The following FARS2 variants were observed in gnomAD, a reference collection of about 807,000 sequenced individuals.
The protein encoded by FARS2 is phenylalanine--tRNA ligase, mitochondrial.
A neutral mutation model predicts 46.4 loss-of-function variants in FARS2; 40 were observed. That is an observed-to-expected ratio of 0.86 (90% CI 0.67 to 1.12). The LOEUF (loss-of-function observed/expected upper bound fraction) is 1.12, where lower values mean the gene tolerates loss of function less well. Among genes scored for constraint, FARS2 ranks in the 50% most tolerant of loss-of-function variants. FARS2 has a pLI of 0.00. For synonymous variants in FARS2, 234 were observed against 214.9 expected, an observed-to-expected ratio of 1.09 and a Z score of -0.78; for missense variants, 513 against 567.9, an observed-to-expected ratio of 0.90 and a Z score of 0.98.
intron 4 of FARS2, among the ~76,000 whole-genome samples, chr6:5,439,496 A>C (rs1029953932): frequency 1.3e-5 from 2 of 152,188 alleles, no homozygotes; most frequent in Non-Finnish European, 2.9e-5. Context: ...TGCCTTTCCA[A>C]GTGTTGACTC....
chr6:5,267,111 T>C (rs1029165658), intron 1 of FARS2, among the ~76,000 whole-genome samples: 3 of 152,082 alleles, frequency 2.0e-5, no homozygotes, highest in Non-Finnish European at 1.5e-5. Flanking sequence ...ACAATTTATT[T>C]TGTGTAAAGT....
At chr6:5,592,820 C>A (rs1434460479) in intron 5 of FARS2, among the ~76,000 whole-genome samples, 3 of 152,206 alleles carry the variant, frequency 2.0e-5, no homozygotes. Context: ...TCCTTGCCTG[C>A]CACGAGGCCC....
intron 4 of FARS2, among the ~76,000 whole-genome samples, chr6:5,520,958 G>C (rs1582339690): frequency 2.0e-5 from 3 of 152,118 alleles, no homozygotes; most frequent in Non-Finnish European, 2.9e-5. Flanking sequence ...ATCAGGGTAG[G>C]CTTCTTTTGA....
At chr6:5,690,012 G>A (rs1435062753) in intron 6 of FARS2, among the ~76,000 whole-genome samples, 1 of 152,132 alleles carries the variant, frequency 6.6e-6, no homozygotes, top group Admixed American at 6.5e-5. Context: ...CCAAGACTAG[G>A]ATTGCAACCT....
intron 2 of FARS2, among the ~76,000 whole-genome samples, chr6:5,383,366 C>G (rs1399385173): frequency 6.6e-6 from 1 of 152,196 alleles, no homozygotes; most frequent in African/African-American, 2.4e-5. Context: ...CTTTGGAGCC[C>G]CTCCATGGCC....
intron 4 of FARS2, among the ~76,000 whole-genome samples, chr6:5,531,206 C>T (rs1278120163): frequency 6.6e-6 from 1 of 152,178 alleles, no homozygotes; most frequent in Non-Finnish European, 1.5e-5. Context: ...ATGCTCTCCC[C>T]TCAGCCAGTC....
intron 5 of FARS2, among the ~76,000 whole-genome samples, chr6:5,569,686 A>G (rs1772528212): frequency 6.6e-6 from 1 of 152,144 alleles, no homozygotes; most frequent in Non-Finnish European, 1.5e-5. Flanking sequence ...TAGAAGTGAG[A>G]AGTTGGAACA....
At chr6:5,493,139 G>A (rs1767227240) in intron 4 of FARS2, among the ~76,000 whole-genome samples, 1 of 150,970 alleles carries the variant, frequency 6.6e-6, no homozygotes, top group Non-Finnish European at 1.5e-5. Context: ...AACCTGGAAG[G>A]TGGAGGTTGT....
chr6:5,285,100 G>A (rs535024347), intron 1 of FARS2, among the ~76,000 whole-genome samples: 2 of 152,340 alleles, frequency 1.3e-5, no homozygotes, highest in Admixed American at 1.3e-4. Context: ...AGCAAAGGGG[G>A]CAGGCAACAA....
At chr6:5,258,083 G>A (rs533154619), upstream of FARS2, among the ~76,000 whole-genome samples, 8 of 152,206 alleles carry the variant, frequency 5.3e-5, no homozygotes, top group Non-Finnish European at 1.2e-4. Flanking sequence ...AACAGTACTT[G>A]TAAAGGCCTG....
chr6:5,671,416 C>A (rs1160996586), intron 6 of FARS2, among the ~76,000 whole-genome samples: 4 of 152,202 alleles, frequency 2.6e-5, no homozygotes, highest in Non-Finnish European at 4.4e-5. Flanking sequence ...GAGGAAGTCT[C>A]AGCGTTGAGC....
At chr6:5,563,703 A>G (rs1772148695) in intron 5 of FARS2, among the ~76,000 whole-genome samples, 1 of 152,186 alleles carries the variant, frequency 6.6e-6, no homozygotes, top group South Asian at 2.1e-4. Context: ...TTACAGCACC[A>G]TTTGGAGTTT....
chr6:5,730,214 ACAG>A (rs1400297307), intron 6 of FARS2, among the ~76,000 whole-genome samples: 1 of 152,218 alleles, frequency 6.6e-6, no homozygotes, highest in Non-Finnish European at 1.5e-5. Context: ...CCATCCTGGG[ACAG>A]CAGTGCCTTG....
intron 2 of FARS2, among the ~76,000 whole-genome samples, chr6:5,374,292 GT>G (rs200454577): frequency 0.017 from 2,537 of 152,226 alleles, 35 homozygotes; most frequent in African/African-American, 0.044. Context: ...GGATCCGTCA[GT>G]CAGTCAAAAA....
At chr6:5,312,800 CAA>C (rs1342699803) in intron 1 of FARS2, among the ~76,000 whole-genome samples, 1 of 152,206 alleles carries the variant, frequency 6.6e-6, no homozygotes, top group Non-Finnish European at 1.5e-5. Flanking sequence ...TGTTGAATAG[CAA>C]AGACACAGCC....
chr6:5,287,166 G>T (rs1031349975), intron 1 of FARS2, among the ~76,000 whole-genome samples: 4 of 152,194 alleles, frequency 2.6e-5, no homozygotes, highest in Admixed American at 2.6e-4. Context: ...CAAATTTCCC[G>T]GGTGTGATAT....
At chr6:5,387,839 A>G (rs76271218) in intron 2 of FARS2, among the ~76,000 whole-genome samples, 3,092 of 152,320 alleles carry the variant, frequency 0.02, 107 homozygotes, top group South Asian at 0.094. Context: ...CAATCTGTCT[A>G]TAGCATGCTG....
Position 5,712,743 on chromosome 6 carries a change from G to T in FARS2, c.1218-58548G>T, listed in dbSNP as rs1035854524. Among the ~76,000 whole-genome samples, 5 of 152,150 alleles carry T rather than the reference G, an allele frequency of 3.3e-5. 1 individual carries two copies. In the South Asian group the frequency reaches 6.2e-4, roughly 19 times the overall value. On this transcript the variant is annotated intron_variant, in intron 6 of 6. Coordinates refer to ENST00000274680, the MANE Select transcript of FARS2 (RefSeq NM_006567.5). ...CTCCCCACCTGTCCCAGTCCTTGCC[G>T]TCCTTGCTTTGTAATCCTGAACAGC...
chr6:5,526,481 A>G (rs1672182100), intron 4 of FARS2, among the ~76,000 whole-genome samples: 1 of 152,234 alleles, frequency 6.6e-6, no homozygotes, highest in South Asian at 2.1e-4. Flanking sequence ...CTCTAAATTA[A>G]GTTCCTTTCC....
Sources: gnomAD v4.1 joint callset for allele counts (sites outside exome capture counted in the v4.1 genomes callset) on GRCh38, gnomAD v4.1.1 for gene constraint, MANE v1.5 for transcripts, NCBI Gene and HGNC (gene_info 2026-07-23, HGNC 2026-07-21) for gene names.